The following KCNH7 variants were observed in gnomAD, a reference collection of about 807,000 sequenced individuals.
The protein encoded by KCNH7 is potassium voltage-gated channel subfamily H member 7, also known as voltage-gated inwardly rectifying potassium channel KCNH7.
KCNH7 carries 49 observed loss-of-function variants against 120.8 expected under a neutral mutation model. The observed-to-expected ratio is 0.41, with a 90% CI of 0.32 to 0.51. KCNH7 has a LOEUF of 0.51. Ranked by LOEUF, KCNH7 falls within the 20% of genes least tolerant of loss-of-function variation. The pLI, the probability that KCNH7 is intolerant of heterozygous loss-of-function variation, is 0.38. For missense variants in KCNH7, 1,097 were observed against 1,446.6 expected, an observed-to-expected ratio of 0.76 and a Z score of 3.92; for synonymous variants, 547 against 516.1, an observed-to-expected ratio of 1.06 and a Z score of -0.81.
chr2:162,502,900 T>C (rs1229705383), intron 6 of KCNH7, among the ~76,000 whole-genome samples: 1 of 152,050 alleles, frequency 6.6e-6, no homozygotes, highest in African/African-American at 2.4e-5. Flanking sequence ...CCTTAAGATG[T>C]GTTTTGTTCA....
At chr2:162,417,856 T>G (rs1167188748) in intron 9 of KCNH7, among the ~76,000 whole-genome samples, 5 of 152,166 alleles carry the variant, frequency 3.3e-5, no homozygotes, top group Non-Finnish European at 7.4e-5. Flanking sequence ...CTTGACATTG[T>G]TCATGTCAGC....
At chr2:162,825,168 G>T (rs900015129) in intron 2 of KCNH7, among the ~76,000 whole-genome samples, 4 of 151,988 alleles carry the variant, frequency 2.6e-5, no homozygotes, top group Admixed American at 2.6e-4. Context: ...ATGAAAATGT[G>T]AATGTGAAGA....
chr2:162,630,189 G>T (rs552433901), intron 2 of KCNH7, among the ~76,000 whole-genome samples: 1 of 152,176 alleles, frequency 6.6e-6, no homozygotes, highest in South Asian at 2.1e-4. Flanking sequence ...ATGTAAAACT[G>T]AGTTAAGTTT....
intron 2 of KCNH7, among the ~76,000 whole-genome samples, chr2:162,634,434 A>G (rs1482106434): frequency 6.6e-6 from 1 of 152,068 alleles, no homozygotes; most frequent in East Asian, 1.9e-4. Context: ...GTACTTAACT[A>G]TATCTTTCAA....
At chr2:162,379,458 A>AT (rs1326241865) in intron 14 of KCNH7, among the ~76,000 whole-genome samples, 4 of 152,164 alleles carry the variant, frequency 2.6e-5, no homozygotes, top group Admixed American at 2.6e-4. Context: ...CTTTGTCAGT[A>AT]TTTTTTAAAT....
intron 2 of KCNH7, among the ~76,000 whole-genome samples, chr2:162,709,739 T>C (rs1440985320): frequency 6.6e-6 from 1 of 152,314 alleles, no homozygotes; most frequent in African/African-American, 2.4e-5. Context: ...TTCTCCTGAC[T>C]TGTTAGCCAT....
At chr2:162,803,078 A>G (rs1214581928) in intron 2 of KCNH7, among the ~76,000 whole-genome samples, 1 of 151,766 alleles carries the variant, frequency 6.6e-6, no homozygotes, top group East Asian at 1.9e-4. Flanking sequence ...CTATTTTGAG[A>G]ACAAAATGCT....
chr2:162,653,664 G>A (rs1261397766), intron 2 of KCNH7, among the ~76,000 whole-genome samples: 4 of 152,110 alleles, frequency 2.6e-5, no homozygotes, highest in African/African-American at 9.7e-5. Context: ...AATTTGTGTG[G>A]AACTACAGAA....
At chr2:162,449,139 A>G (rs1688680865) in intron 6 of KCNH7, among the ~76,000 whole-genome samples, 1 of 152,038 alleles carries the variant, frequency 6.6e-6, no homozygotes, top group African/African-American at 2.4e-5. Flanking sequence ...ACTAAAGAAT[A>G]AAATGCCAGG....
chr2:162,419,580 T>C (rs897990683), intron 9 of KCNH7, among the ~76,000 whole-genome samples: 1 of 152,144 alleles, frequency 6.6e-6, no homozygotes, highest in Admixed American at 6.6e-5. Flanking sequence ...ATTTTTTATA[T>C]TATTTGGGCA....
chr2:162,639,077 G>A (rs1216488261), intron 2 of KCNH7, among the ~76,000 whole-genome samples: 4 of 152,150 alleles, frequency 2.6e-5, no homozygotes, highest in Middle Eastern at 6.8e-3. Context: ...ACCACCAGCC[G>A]TGGCAACCAA....
intron 6 of KCNH7, among the ~76,000 whole-genome samples, chr2:162,448,621 G>A (rs187781228): frequency 1.5e-4 from 23 of 152,200 alleles, no homozygotes; most frequent in African/African-American, 5.5e-4. Context: ...ACAAACTTCC[G>A]ATACTAACCT....
chr2:162,832,800 T>G (rs1239406462), intron 2 of KCNH7, among the ~76,000 whole-genome samples: 1 of 152,142 alleles, frequency 6.6e-6, no homozygotes, highest in Non-Finnish European at 1.5e-5. Context: ...CACATAATTT[T>G]CAGACATAGT....
Position 162,794,017 on chromosome 2 carries a change from T to G in KCNH7, c.307+42520A>C, listed in dbSNP as rs529650197. Among the ~76,000 whole-genome samples, 12 of 152,148 alleles carry G rather than the reference T, an allele frequency of 7.9e-5. No individual in the cohort carries two copies. The South Asian group carries it at 2.3e-3, about 29-fold the overall frequency. ...TGGTGATTACTTCACAATGTATACA[T>G]GTATCAATACATCACATCTCACAAC... On this transcript the variant is annotated intron_variant, in intron 2 of 15. Transcript: ENST00000332142.
intron 7 of KCNH7, among the ~76,000 whole-genome samples, chr2:162,442,981 CT>C: frequency 6.6e-6 from 1 of 152,294 alleles, no homozygotes; most frequent in Admixed American, 6.5e-5. Context: ...AAATATTCAT[CT>C]ATGAACATAT....
chr2:162,532,469 C>T (rs1691957806), intron 3 of KCNH7, among the ~76,000 whole-genome samples: 1 of 151,890 alleles, frequency 6.6e-6, no homozygotes, highest in African/African-American at 2.4e-5. Context: ...CGTCAGACTA[C>T]TTGTCGGCAA....
intron 2 of KCNH7, among the ~76,000 whole-genome samples, chr2:162,705,962 A>C (rs1686684735): frequency 6.6e-6 from 1 of 152,166 alleles, no homozygotes; most frequent in Admixed American, 6.6e-5. Context: ...CACATTCTAC[A>C]CAAATGTACT....
chr2:162,698,873 G>A (rs1369680569), intron 2 of KCNH7, among the ~76,000 whole-genome samples: 1 of 152,004 alleles, frequency 6.6e-6, no homozygotes, highest in Non-Finnish European at 1.5e-5. Flanking sequence ...TATGTTTTGT[G>A]GCAGAGTAGA....
intron 2 of KCNH7, among the ~76,000 whole-genome samples, chr2:162,548,212 CCAGCTTTAGTGGGGAA>C (rs1357342032): frequency 2.6e-5 from 4 of 152,056 alleles, no homozygotes; most frequent in Non-Finnish European, 5.9e-5. Context: ...TTAGCATTGT[CCAGCTTTAGTGGGGAA>C]CACCCTTCTC....
Sources: allele counts gnomAD v4.1 joint callset (sites outside exome capture counted in the v4.1 genomes callset), GRCh38; gene constraint gnomAD v4.1.1; transcripts MANE v1.5; gene names NCBI Gene and HGNC (gene_info 2026-07-23, HGNC 2026-07-21).